Variants in IL33 observed in about 807,000 individuals in gnomAD.
The protein encoded by IL33 is interleukin 33, also known as interleukin-33.
IL33 carries 37 observed loss-of-function variants against 27.3 expected under a neutral mutation model. That is an observed-to-expected ratio of 1.36 (90% CI 1.04 to 1.78). IL33 has a LOEUF of 1.78. Among genes scored for constraint, IL33 ranks in the 40% most tolerant of loss-of-function variants. IL33 has a pLI of 0.00. For missense variants in IL33, 406 were observed against 311.4 expected, an observed-to-expected ratio of 1.30 and a Z score of -2.29; for synonymous variants, 132 against 102.9, an observed-to-expected ratio of 1.28 and a Z score of -1.71.
chr9:6,215,737 T>G (rs1378567124), upstream of IL33: 1 of 152,202 alleles, frequency 6.6e-6, no homozygotes, highest in Non-Finnish European at 1.5e-5. Context: ...CGCCCAGATC[T>G]CCCTTCTAAG....
intron 2 of IL33, 147 bp downstream of exon 2, chr9:6,241,932 T>C (rs753937864): frequency 4.8e-5 from 30 of 621,222 alleles, no homozygotes; most frequent in Non-Finnish European, 7.3e-5. Context: ...CATAAGGGTA[T>C]AATACAGCAG....
intron 2 of IL33, among the ~76,000 whole-genome samples, chr9:6,244,475 G>T (rs1450374616): frequency 6.6e-6 from 1 of 151,988 alleles, no homozygotes; most frequent in Non-Finnish European, 1.5e-5. Context: ...TATAAGTTAG[G>T]CACAATGAGA....
In IL33 at chr9:6,257,947, G is replaced by C. The variant is rs888521746; in HGVS notation, c.*1779G>C. The C allele has an allele frequency of 6.6e-6, 1 of 151,860 alleles. No individual in the cohort carries two copies. Among genetic ancestry groups the C allele is most frequent in the Non-Finnish European group, 1.5e-5 (1 of 67,970 alleles). 9.4% of individuals were successfully genotyped at this position (151,860 alleles called of 1,614,324 possible). On this transcript the variant is annotated 3_prime_UTR_variant, in exon 8 of 8. Transcript: ENST00000682010. ...AATAATCAAATATATCTACTACATT[G>C]TTTATATTATTGAATAAAGTATATT...
chr9:6,228,026 C>T (rs1818727099), intron 1 of IL33, among the ~76,000 whole-genome samples: 1 of 152,124 alleles, frequency 6.6e-6, no homozygotes. Flanking sequence ...TCAGTTTCCT[C>T]ATATATAAAA....
intron 1 of IL33, among the ~76,000 whole-genome samples, chr9:6,224,378 A>G (rs543593443): frequency 6.6e-6 from 1 of 152,328 alleles, no homozygotes; most frequent in South Asian, 2.1e-4. Flanking sequence ...TAATTTAAAG[A>G]TATATATTGC....
At chr9:6,215,495 A>T (rs1818096425), upstream of IL33, among the ~76,000 whole-genome samples, 1 of 152,242 alleles carries the variant, frequency 6.6e-6, no homozygotes, top group Non-Finnish European at 1.5e-5. Context: ...CCAAAAGTGA[A>T]TATATAAATG....
chr9:6,231,076 A>T (rs1276356244), intron 1 of IL33, among the ~76,000 whole-genome samples: 1 of 152,208 alleles, frequency 6.6e-6, no homozygotes, highest in East Asian at 1.9e-4. Flanking sequence ...CTTCACCACA[A>T]CCACCATTAT....
At chr9:6,250,068 A>C (rs1385917332) in intron 2 of IL33, among the ~76,000 whole-genome samples, 1 of 152,172 alleles carries the variant, frequency 6.6e-6, no homozygotes, top group Non-Finnish European at 1.5e-5. Context: ...GAATTCTGAA[A>C]ACCAAAATTT....
chr9:6,220,401 C>T (rs1297510019), intron 1 of IL33, among the ~76,000 whole-genome samples: 1 of 152,206 alleles, frequency 6.6e-6, no homozygotes, highest in Non-Finnish European at 1.5e-5. Flanking sequence ...TTTAACAGAA[C>T]TTCATAGTTT....
chr9:6,217,162 G>C (rs771746860), intron 1 of IL33, among the ~76,000 whole-genome samples: 1 of 152,040 alleles, frequency 6.6e-6, no homozygotes, highest in Non-Finnish European at 1.5e-5. Context: ...GTAGTCACTG[G>C]TCATCAGAAA....
chr9:6,242,239 T>C (rs1302803176), intron 2 of IL33: 3 of 152,324 alleles, frequency 2.0e-5, no homozygotes, highest in Non-Finnish European at 2.9e-5. Context: ...GAATAACAGA[T>C]GAAGATATTT....
At chr9:6,223,583 T>G (rs2130114915) in intron 1 of IL33, among the ~76,000 whole-genome samples, 1 of 152,280 alleles carries the variant, frequency 6.6e-6, no homozygotes, top group East Asian at 1.9e-4. Flanking sequence ...ATTTAAACAT[T>G]AAAATGTTTT....
chr9:6,222,648 T>C (rs1818460876), intron 1 of IL33, among the ~76,000 whole-genome samples: 1 of 152,248 alleles, frequency 6.6e-6, no homozygotes, highest in African/African-American at 2.4e-5. Context: ...AACTTTCACA[T>C]ATTTTTTGTT....
At chr9:6,249,521 C>A (rs1816206240) in intron 2 of IL33, among the ~76,000 whole-genome samples, 1 of 152,102 alleles carries the variant, frequency 6.6e-6, no homozygotes, top group Non-Finnish European at 1.5e-5. Context: ...ATTTAATTTT[C>A]TTTTTGAGAC....
Position 6,225,658 on chromosome 9 carries a change from C to T in IL33, c.-12+9806C>T, listed in dbSNP as rs188994661. On this transcript the variant is annotated intron_variant, in intron 1 of 7. Coordinates refer to ENST00000682010, the MANE Select transcript of IL33 (RefSeq NM_033439.4). ...ACTGTAAACTTCCATCCATATTGGA[C>T]GGGTGATTTTTTTCCTCCTCCAAAT... 1.4e-3 allele frequency among the ~76,000 whole-genome samples: 213 copies of T among 152,280 alleles called. 2 individuals are homozygous for T. The highest frequency in any genetic ancestry group is 4.6e-3 in the African/African-American group (193 of 41,566).
intron 1 of IL33, among the ~76,000 whole-genome samples, chr9:6,227,111 G>A (rs118018163): frequency 0.022 from 3,343 of 152,304 alleles, 52 homozygotes; most frequent in South Asian, 0.036. Context: ...TTCCAGCAAG[G>A]GCTGGAGTTG....
At chr9:6,229,375 A>G (rs1027719853) in intron 1 of IL33, among the ~76,000 whole-genome samples, 20 of 152,178 alleles carry the variant, frequency 1.3e-4, no homozygotes, top group African/African-American at 4.8e-4. Context: ...GAATAAAACA[A>G]CTTGTACTGA....
At chr9:6,251,953 T>C (rs1401440660) in intron 4 of IL33, among the ~76,000 whole-genome samples, 1 of 151,444 alleles carries the variant, frequency 6.6e-6, no homozygotes, top group Non-Finnish European at 1.5e-5. Context: ...GGCACAAGAA[T>C]TGCTTGAACC....
At chr9:6,245,294 T>C (rs1030931117) in intron 2 of IL33, among the ~76,000 whole-genome samples, 1 of 152,234 alleles carries the variant, frequency 6.6e-6, no homozygotes, top group African/African-American at 2.4e-5. Flanking sequence ...TAAATGTGTA[T>C]AGTTTCTCTA....
Sources: gnomAD v4.1 joint callset for allele counts (sites outside exome capture counted in the v4.1 genomes callset) on GRCh38, gnomAD v4.1.1 for gene constraint, MANE v1.5 for transcripts, NCBI Gene and HGNC (gene_info 2026-07-23, HGNC 2026-07-21) for gene names.